The following ESRRG variants were observed in gnomAD, a reference collection of about 807,000 sequenced individuals.
The protein encoded by ESRRG is estrogen-related receptor gamma.
In ESRRG, 13 loss-of-function variants were observed where a neutral mutation model predicts 44.0. That is an observed-to-expected ratio of 0.30 (90% CI 0.19 to 0.47). The LOEUF (loss-of-function observed/expected upper bound fraction) is 0.47, where lower values mean the gene tolerates loss of function less well. Among genes scored for constraint, ESRRG ranks in the 20% least tolerant of loss-of-function variants. The probability of loss-of-function intolerance (pLI) is 1.00; values close to 1 mark genes in which losing one functional copy is unlikely to be tolerated. For synonymous variants in ESRRG, 215 were observed against 214.6 expected (o/e 1.00, Z -0.02); for missense variants, 395 against 580.6 (o/e 0.68, Z 3.29).
intron 1 of ESRRG, among the ~76,000 whole-genome samples, chr1:217,083,216 CAA>C (rs2091882926): frequency 6.6e-6 from 1 of 152,122 alleles, no homozygotes; most frequent in African/African-American, 2.4e-5. Flanking sequence ...ACCAAAAAAA[CAA>C]AGTGTTTTAA....
intron 2 of ESRRG, among the ~76,000 whole-genome samples, chr1:216,853,851 T>C (rs1326914563): frequency 1.3e-5 from 2 of 152,246 alleles, no homozygotes; most frequent in East Asian, 3.8e-4. Context: ...ACTGATTCAA[T>C]TGCTTTTTTA....
intron 3 of ESRRG, among the ~76,000 whole-genome samples, chr1:216,634,379 GA>G (rs2064859420): frequency 6.7e-6 from 1 of 149,460 alleles, no homozygotes; most frequent in East Asian, 2.0e-4. Flanking sequence ...TCTCCTGGGG[GA>G]AAAGATGGGC....
intron 1 of ESRRG, among the ~76,000 whole-genome samples, chr1:216,961,447 A>G (rs539912948): frequency 7.2e-4 from 109 of 152,304 alleles, no homozygotes; most frequent in Non-Finnish European, 1.3e-3. Flanking sequence ...AAATAAAAGA[A>G]ACCACAAACT....
intron 2 of ESRRG, among the ~76,000 whole-genome samples, chr1:216,897,127 G>T (rs1286462292): frequency 6.6e-6 from 1 of 152,158 alleles, no homozygotes; most frequent in Non-Finnish European, 1.5e-5. Flanking sequence ...GAGCACAGAA[G>T]TTTGAAAAGT....
intron 1 of ESRRG, among the ~76,000 whole-genome samples, chr1:216,949,685 G>C (rs2066635510): frequency 6.6e-6 from 1 of 152,122 alleles, no homozygotes; most frequent in Admixed American, 6.5e-5. Context: ...ATTTCTGTGA[G>C]CTTGTCTCTG....
intron 1 of ESRRG, among the ~76,000 whole-genome samples, chr1:217,048,589 A>G (rs1357321794): frequency 6.6e-6 from 1 of 152,154 alleles, no homozygotes; most frequent in African/African-American, 2.4e-5. Context: ...CCAATGCCAC[A>G]GGCACAAGAA....
intron 1 of ESRRG, among the ~76,000 whole-genome samples, chr1:217,040,318 T>G (rs1274030938): frequency 6.6e-6 from 1 of 152,110 alleles, no homozygotes; most frequent in African/African-American, 2.4e-5. Flanking sequence ...CTGAGAAAGT[T>G]AAGGAAGTCA....
intron 6 of ESRRG, among the ~76,000 whole-genome samples, chr1:216,509,076 G>C (rs1039399955): frequency 3.3e-5 from 5 of 152,176 alleles, no homozygotes; most frequent in African/African-American, 1.2e-4. Flanking sequence ...ACCTATTTCA[G>C]GTGAACATGG....
At chr1:216,538,745 G>A (rs1467457208) in intron 5 of ESRRG, among the ~76,000 whole-genome samples, 5 of 152,048 alleles carry the variant, frequency 3.3e-5, no homozygotes, top group African/African-American at 4.8e-5. Context: ...GAGCAAGCAT[G>A]CACCCAATTA....
intron 2 of ESRRG, among the ~76,000 whole-genome samples, chr1:216,816,192 C>T (rs1034645741): frequency 1.3e-5 from 2 of 152,150 alleles, no homozygotes; most frequent in Admixed American, 1.3e-4. Context: ...CACATCACAT[C>T]CTGGAGTACT....
At chr1:216,957,667 C>T (rs1490462411) in intron 1 of ESRRG, among the ~76,000 whole-genome samples, 1 of 152,174 alleles carries the variant, frequency 6.6e-6, no homozygotes, top group African/African-American at 2.4e-5. Flanking sequence ...GCATCTCCCT[C>T]CTGGACCAGG....
At chr1:216,550,861 G>C (rs1468591797) in intron 5 of ESRRG, among the ~76,000 whole-genome samples, 1 of 152,126 alleles carries the variant, frequency 6.6e-6, no homozygotes, top group Non-Finnish European at 1.5e-5. Context: ...AATGGTTTCA[G>C]AACAACCATG....
intron 2 of ESRRG, among the ~76,000 whole-genome samples, chr1:216,809,720 C>T (rs1016982312): frequency 2.0e-5 from 3 of 152,076 alleles, no homozygotes; most frequent in Non-Finnish European, 4.4e-5. Flanking sequence ...AACAGGTGGG[C>T]CCCTCAAGCC....
intron 2 of ESRRG, among the ~76,000 whole-genome samples, chr1:216,919,398 A>G (rs1395112964): frequency 6.6e-6 from 1 of 152,184 alleles, no homozygotes; most frequent in East Asian, 1.9e-4. Flanking sequence ...TTGAGCTGAG[A>G]AACATCATAT....
At chr1:216,841,345 C>T (rs11810458) in intron 2 of ESRRG, among the ~76,000 whole-genome samples, 5,102 of 152,136 alleles carry the variant, frequency 0.034, 300 homozygotes, top group African/African-American at 0.11. Flanking sequence ...CAGAAGCAGA[C>T]CTGTTTTCAG....
intron 1 of ESRRG, among the ~76,000 whole-genome samples, chr1:217,006,944 A>G (rs2077832930): frequency 6.6e-6 from 1 of 152,136 alleles, no homozygotes; most frequent in Non-Finnish European, 1.5e-5. Context: ...ATTTATTGCC[A>G]TCAGCGATAA....
chr1:216,967,177 T>C (rs1248331820), intron 1 of ESRRG, among the ~76,000 whole-genome samples: 7 of 149,078 alleles, frequency 4.7e-5, no homozygotes, highest in Non-Finnish European at 7.5e-5. Context: ...TCGCCCCCCC[T>C]CCCCATTGAT....
intron 2 of ESRRG, among the ~76,000 whole-genome samples, chr1:216,924,173 T>C (rs561047297): frequency 3.3e-5 from 5 of 152,270 alleles, no homozygotes; most frequent in Middle Eastern, 3.4e-3. Flanking sequence ...ACAGCTCTGA[T>C]TGGAAAGCTG....
chr1:216,545,377 C>T (rs1428101118), intron 5 of ESRRG, among the ~76,000 whole-genome samples: 1 of 151,828 alleles, frequency 6.6e-6, no homozygotes, highest in African/African-American at 2.4e-5. Flanking sequence ...TTAATGATTT[C>T]ATATAAACTT....
Sources: gnomAD v4.1 joint callset for allele counts (sites outside exome capture counted in the v4.1 genomes callset) on GRCh38, gnomAD v4.1.1 for gene constraint, MANE v1.5 for transcripts, NCBI Gene and HGNC (gene_info 2026-07-23, HGNC 2026-07-21) for gene names.